The following STXBP2 variants were observed in gnomAD, a reference collection of about 807,000 sequenced individuals.
STXBP2 encodes syntaxin binding protein 2, also known as syntaxin-binding protein 2.
Under a neutral mutation model 72.2 loss-of-function variants are expected in STXBP2, and 47 were observed. The ratio of observed to expected loss-of-function variants is 0.65; its 90% CI spans 0.51 to 0.83. The LOEUF is 0.83. Among genes scored for constraint, STXBP2 ranks in the 40% least tolerant of loss-of-function variants. The pLI, the probability that STXBP2 is intolerant of heterozygous loss-of-function variation, is 0.00. For missense variants in STXBP2, 702 were observed against 807.6 expected, an observed-to-expected ratio of 0.87 and a Z score of 1.58; for synonymous variants, 367 against 338.7, an observed-to-expected ratio of 1.08 and a Z score of -0.92.
the STXBP2 span, chr19:7,631,715 G>C: frequency 6.9e-7 from 1 of 1,454,136 alleles, no homozygotes; most frequent in Non-Finnish European, 9.1e-7. Context: ...GGGGGCTGGG[G>C]GCTGCTGTTC....
chr19:7,633,743 G>A, upstream of STXBP2: 1 of 484,304 alleles, frequency 2.1e-6, no homozygotes, highest in Non-Finnish European at 3.7e-6. Context: ...TCTCAGGTGT[G>A]ATGTCACAAA....
chr19:7,639,638 C>G (rs2031705738), intron 3 of STXBP2, 93 bp from the exon 4 acceptor site: 2 of 1,188,760 alleles, frequency 1.7e-6, no homozygotes, highest in African/African-American at 1.5e-5. Context: ...ATCCACCCCT[C>G]CTCCCCAAGC....
chr19:7,647,068 C>A, intron 16 of STXBP2, 94 bp from the exon 17 acceptor site: 1 of 1,351,388 alleles, frequency 7.4e-7, no homozygotes, highest in Non-Finnish European at 1.0e-6. Flanking sequence ...TCCTGTCTGC[C>A]AGGATCTTGG....
rs1250502332 is a variant in STXBP2, at chr19:7,639,798, C to T, written c.237C>T (p.Pro79=). The T allele has an allele frequency of 1.9e-6, 3 of 1,613,798 alleles. No homozygotes were observed. Among genetic ancestry groups the T allele is most frequent in the Non-Finnish European group, 2.5e-6 (3 of 1,179,972 alleles). ...PSLEAIYLLS[P]TEKSVQALIK... ...TGGAGGCCATTTATTTGCTGAGCCC[C>T]ACGGAGAAGGTGCCTACATGAGTGA... The change falls in exon 4 of 19, where the codon CCC becomes CCT. Residue 79 remains proline (P), a synonymous_variant. Transcript: ENST00000221283.
upstream of STXBP2, chr19:7,632,613 C>T: frequency 6.3e-7 from 1 of 1,587,800 alleles, no homozygotes; most frequent in Non-Finnish European, 8.6e-7. This position sits in a 1 kb window ranked among gnomAD's most constrained non-coding sequence, Gnocchi z 5.2. Context: ...GGGTGCACAA[C>T]CACCTCCCAC....
At chr19:7,630,326 GTGTC>G in the STXBP2 span, 2 of 559,286 alleles carry the variant, frequency 3.6e-6, no homozygotes, top group East Asian at 3.0e-5. Context: ...GGGCGTCTGT[GTGTC>G]TGTCTGTGTT....
chr19:7,637,524 A>G (rs2031598644), intron 1 of STXBP2, among the ~76,000 whole-genome samples: 1 of 152,008 alleles, frequency 6.6e-6, no homozygotes, highest in African/African-American at 2.4e-5. Flanking sequence ...GGATCTCTTA[A>G]GCCGGGCAAA....
rs748434800 is a variant in STXBP2 at position 7,643,011 on chromosome 19, T to C, written c.989T>C (p.Leu330Pro). ...KANIKDLSQI[L>P]KKMPQYQKEL... Reference sequence around the variant, plus strand: ...AACATCAAAGACCTATCCCAGATCCTGAAAAAGATGCCGCAGTACCAGAAG... The same window carrying C: ...AACATCAAAGACCTATCCCAGATCCCGAAAAAGATGCCGCAGTACCAGAAG... Residue 330 changes from leucine (L) to proline (P), a missense_variant, in exon 12 of 19, where the codon CTG (leucine) becomes CCG (proline). By Grantham distance (98) the Leu-to-Pro change is moderately conservative. Transcript: ENST00000221283. 6.2e-7 allele frequency: 1 copy of C among 1,614,108 alleles called. No individual in the cohort carries two copies. Among genetic ancestry groups the C allele is most frequent in the South Asian group, 1.1e-5 (1 of 91,084 alleles).
At chr19:7,630,438 G>T in the STXBP2 span, 1 of 688,660 alleles carries the variant, frequency 1.5e-6, no homozygotes, top group South Asian at 1.7e-5. Flanking sequence ...TACCCTTGGT[G>T]GGAGTTCTGG....
At chr19:7,641,383 A>G (rs2031868546) in intron 6 of STXBP2, among the ~76,000 whole-genome samples, 1 of 152,020 alleles carries the variant, frequency 6.6e-6, no homozygotes, top group Non-Finnish European at 1.5e-5. Flanking sequence ...AACATACATA[A>G]AGTAAAATTT....
upstream of STXBP2, chr19:7,636,837 T>G: frequency 2.8e-5 from 9 of 326,398 alleles, no homozygotes; most frequent in Middle Eastern, 8.1e-4. Flanking sequence ...CCGGGGAAGA[T>G]GGAGGGATTA....
Position 7,641,759 on chromosome 19 carries a change from G to T in STXBP2, c.484G>T (p.Ala162Ser). The T allele has an allele frequency of 6.4e-7, 1 of 1,552,556 alleles. No individual in the cohort carries two copies. Among genetic ancestry groups the T allele is most frequent in the Non-Finnish European group, 8.7e-7 (1 of 1,148,082 alleles). ...STYNLYCPFR[A>S]EERTRQLEVL... ...CTACAACCTCTACTGCCCCTTCCGG[G>T]CAGAGGAGCGCACGCGGCAGCTCGA... The change falls in exon 7 of 19, where the codon GCA becomes TCA. Residue 162 changes from alanine to serine, a missense_variant. By Grantham distance (99) the Ala-to-Ser change is moderately conservative. Coordinates refer to ENST00000221283, the MANE Select transcript of STXBP2 (RefSeq NM_006949.4).
the STXBP2 span, chr19:7,631,172 G>T: frequency 8.4e-7 from 1 of 1,188,820 alleles, no homozygotes; most frequent in East Asian, 2.8e-5. Flanking sequence ...TCACGCCACT[G>T]CACTCCAGCC....
At chr19:7,631,314 AC>A in the STXBP2 span, 189 of 1,401,304 alleles carry the variant, frequency 1.3e-4, no homozygotes, top group Non-Finnish European at 1.6e-4. Context: ...TCCCACGCGG[AC>A]CCCTTTGTAA....
chr19:7,639,140 G>A lies in STXBP2; in HGVS notation c.169+40G>A, dbSNP rs200081815. Reference sequence around the variant, plus strand: ...CCCCAGTGAGATGGGACCTGAGCGTGGGAACCCCTGACTGTGCCCCTCTCC... The same window carrying A: ...CCCCAGTGAGATGGGACCTGAGCGTAGGAACCCCTGACTGTGCCCCTCTCC... On this transcript the variant is annotated intron_variant, in intron 3 of 18. Transcript: ENST00000221283. 1.6e-5 allele frequency: 25 copies of A among 1,603,154 alleles called. No homozygotes were observed. The East Asian group carries it at 4.9e-4, about 32-fold the overall frequency.
chr19:7,645,553 G>GT (rs2032100420), intron 15 of STXBP2, among the ~76,000 whole-genome samples: 1 of 151,634 alleles, frequency 6.6e-6, no homozygotes, highest in Admixed American at 6.6e-5. Context: ...GGTCCTGGCA[G>GT]TGGTGCAGTT....
In STXBP2 at chr19:7,637,156, C is replaced by T. The variant is rs1015212727; in HGVS notation, c.7C>T (p.Pro3Ser). MAPSGLKAVVGEK... is the reference protein window; with the variant it reads MASSGLKAVVGEK... Reference sequence around the variant, plus strand: ...GCGGCGCCCCTCGGGGAAGATGGCGCCCTCGGGGCTGAAGGCGGTGGTGGG... The same window carrying T: ...GCGGCGCCCCTCGGGGAAGATGGCGTCCTCGGGGCTGAAGGCGGTGGTGGG... The change falls in exon 1 of 19, where the codon CCC (proline) becomes TCC (serine). Residue 3 changes from proline to serine, a missense_variant. Physicochemically the swap from Pro to Ser is moderately conservative, Grantham distance 74. Coordinates refer to ENST00000221283, the MANE Select transcript of STXBP2 (RefSeq NM_006949.4). 8.1e-6 allele frequency: 10 copies of T among 1,241,666 alleles called. No individual in the cohort carries two copies. The highest frequency in any genetic ancestry group is 8.1e-6 in the Non-Finnish European group (8 of 988,138). 76.9% of individuals were successfully genotyped at this position (1,241,666 alleles called of 1,614,324 possible).
intron 7 of STXBP2, 34 bp from the exon 8 acceptor site, chr19:7,641,998 CCT>C (rs1449782890): frequency 6.2e-7 from 1 of 1,612,906 alleles, no homozygotes; most frequent in Non-Finnish European, 8.5e-7. Flanking sequence ...GACCCCATCC[CCT>C]GATGATGTCC....
chr19:7,641,997 C>T (rs1331117397), intron 7 of STXBP2, 37 bp from the exon 8 acceptor site: 2 of 1,612,462 alleles, frequency 1.2e-6, no homozygotes, highest in African/African-American at 1.3e-5. Context: ...TGACCCCATC[C>T]CCTGATGATG....
Sources: gnomAD v4.1 joint callset for allele counts (sites outside exome capture counted in the v4.1 genomes callset) on GRCh38, gnomAD v4.1.1 for gene constraint, Gnocchi (gnomAD v3.1) non-coding constraint, MANE v1.5 for transcripts, NCBI Gene and HGNC (gene_info 2026-07-23, HGNC 2026-07-21) for gene names.